The following GSE1 variants were observed in gnomAD, a reference collection of about 807,000 sequenced individuals.
GSE1 encodes the protein genetic suppressor element 1.
A neutral mutation model predicts 112.6 loss-of-function variants in GSE1; 32 were observed. The observed-to-expected ratio is 0.28, with a 90% CI of 0.21 to 0.38. The LOEUF is 0.38. Ranked by LOEUF, GSE1 falls within the 10% of genes least tolerant of loss-of-function variation. The pLI, the probability that GSE1 is intolerant of heterozygous loss-of-function variation, is 1.00. For synonymous variants in GSE1, 1,115 were observed against 735.6 expected (o/e 1.52, Z -8.35); for missense variants, 2,348 against 1,699.2 (o/e 1.38, Z -6.71).
At chr16:85,389,232 G>T (rs1567729410) in intron 2 of GSE1, among the ~76,000 whole-genome samples, 1 of 152,130 alleles carries the variant, frequency 6.6e-6, no homozygotes, top group Non-Finnish European at 1.5e-5. Flanking sequence ...GGCCAAGGCG[G>T]GTGGATCACT....
intron 1 of GSE1, among the ~76,000 whole-genome samples, chr16:85,587,604 G>A (rs2046768899): frequency 6.6e-6 from 1 of 152,132 alleles, no homozygotes; most frequent in Non-Finnish European, 1.5e-5. Flanking sequence ...GCTCAGCCCA[G>A]GCCCCCTGTT....
exon 1 of GSE1, chr16:85,170,691 G>A (rs931827476): frequency 2.1e-5 from 21 of 985,632 alleles, no homozygotes; most frequent in Middle Eastern, 5.2e-4. Context: ...TGCAGAAGCA[G>A]GAGAAGCTGG....
At chr16:85,618,011 GC>G (rs1276965706) in intron 1 of GSE1, among the ~76,000 whole-genome samples, 1 of 152,188 alleles carries the variant, frequency 6.6e-6, no homozygotes, top group Non-Finnish European at 1.5e-5. Flanking sequence ...GGTCATTCTT[GC>G]CTGGCCCAGG....
Position 85,633,975 on chromosome 16 carries a change from C to T in GSE1, c.69C>T (p.Thr23=), listed in dbSNP as rs201763364. 517 of 1,613,212 alleles carry T rather than the reference C, an allele frequency of 3.2e-4. 3 individuals are homozygous for T. The highest frequency in any genetic ancestry group is 7.5e-4 in the South Asian group (68 of 90,988). ...LGMLSTATRT[T]ATVNPLTPSP... ...TGCTTTCCACCGCGACCAGGACCAC[C>T]GCCACCGTCAACCCCCTCACCCCCT... is the stretch of plus-strand genomic sequence containing the variant. The change falls in exon 2 of 16, where the codon ACC becomes ACT. Residue 23 remains threonine (T), a synonymous_variant. Coordinates refer to ENST00000253458, the MANE Select transcript of GSE1 (RefSeq NM_014615.5).
chr16:85,410,228 AG>A (rs1288251791), intron 2 of GSE1, among the ~76,000 whole-genome samples: 1 of 8,580 alleles, frequency 1.2e-4, no homozygotes, highest in Non-Finnish European at 2.3e-4. Context: ...TGTTACACTC[AG>A]GGCCCCCTGG....
chr16:85,449,420 C>T (rs558964077), intron 2 of GSE1, among the ~76,000 whole-genome samples: 21 of 152,372 alleles, frequency 1.4e-4, no homozygotes, highest in Non-Finnish European at 2.4e-4. Flanking sequence ...GCATGGGGGG[C>T]GGGGAAGATC....
chr16:85,478,881 TTCTTTCTTTCTTTCTTTC>T (rs2050558735), intron 2 of GSE1, among the ~76,000 whole-genome samples: 1 of 61,614 alleles, frequency 1.6e-5, no homozygotes, highest in African/African-American at 1.2e-4. Flanking sequence ...CTTTCTTTCT[TTCTTTCTTTCTTTCTTTC>T]TTTCTTTCTT....
intron 2 of GSE1, among the ~76,000 whole-genome samples, chr16:85,504,298 G>A (rs887180985): frequency 6.6e-6 from 1 of 152,248 alleles, no homozygotes; most frequent in African/African-American, 2.4e-5. Context: ...GTGAGCAGGT[G>A]GGTTTGGACT....
At chr16:85,448,743 G>T (rs955726664) in intron 2 of GSE1, among the ~76,000 whole-genome samples, 1 of 152,168 alleles carries the variant, frequency 6.6e-6, no homozygotes, top group Admixed American at 6.5e-5. Context: ...CCACATCCCC[G>T]GCCCTGCAAC....
intron 2 of GSE1, among the ~76,000 whole-genome samples, chr16:85,497,196 G>C (rs1009862498): frequency 2.0e-4 from 30 of 152,250 alleles, no homozygotes; most frequent in African/African-American, 6.3e-4. Flanking sequence ...ACCATGCCTG[G>C]CCCTGATCTG....
intron 2 of GSE1, among the ~76,000 whole-genome samples, chr16:85,538,344 C>A (rs757506532): frequency 6.6e-6 from 1 of 152,198 alleles, no homozygotes; most frequent in Non-Finnish European, 1.5e-5. Flanking sequence ...TTCTCCCTGG[C>A]CTGAGTGCAG....
At chr16:85,203,839 G>A (rs1046680168) in intron 1 of GSE1, among the ~76,000 whole-genome samples, 1 of 152,192 alleles carries the variant, frequency 6.6e-6, no homozygotes, top group Non-Finnish European at 1.5e-5. Flanking sequence ...CTGGGCTCAG[G>A]CGATCCTCCC....
At chr16:85,640,831 G>T (rs2050382151) in intron 2 of GSE1, among the ~76,000 whole-genome samples, 2 of 152,260 alleles carry the variant, frequency 1.3e-5, no homozygotes, top group African/African-American at 4.8e-5. Flanking sequence ...GGCGTCTGGA[G>T]CCCGTCTGTC....
intron 2 of GSE1, among the ~76,000 whole-genome samples, chr16:85,641,259 C>G (rs955190946): frequency 6.6e-6 from 1 of 152,260 alleles, no homozygotes; most frequent in East Asian, 1.9e-4. Context: ...CCGGCTCCAT[C>G]CGGCTCCCAG....
intron 1 of GSE1, among the ~76,000 whole-genome samples, chr16:85,630,137 C>G (rs1402931432): frequency 2.0e-5 from 3 of 152,204 alleles, no homozygotes; most frequent in Admixed American, 6.5e-5. Flanking sequence ...TCTCCATGAC[C>G]TGCTTGAGCA....
At chr16:85,438,783 A>G (rs2151775735) in intron 2 of GSE1, among the ~76,000 whole-genome samples, 1 of 152,312 alleles carries the variant, frequency 6.6e-6, no homozygotes, top group East Asian at 1.9e-4. Context: ...GTGAAGAAGC[A>G]AAGGGTGCTG....
At chr16:85,295,560 C>T (rs917538676) in intron 1 of GSE1, among the ~76,000 whole-genome samples, 3 of 152,034 alleles carry the variant, frequency 2.0e-5, no homozygotes, top group Non-Finnish European at 2.9e-5. Flanking sequence ...ATGACTTAGC[C>T]GTGGAAGTTA....
intron 1 of GSE1, among the ~76,000 whole-genome samples, chr16:85,604,836 G>T (rs2047626841): frequency 1.4e-3 from 4 of 2,898 alleles, no homozygotes; most frequent in Non-Finnish European, 2.1e-3. Flanking sequence ...TTTTTTTTTT[G>T]AGATGGAGTC....
chr16:85,460,112 T>A (rs60777570), intron 2 of GSE1, among the ~76,000 whole-genome samples: 10,313 of 152,162 alleles, frequency 0.068, 1,180 homozygotes, highest in African/African-American at 0.24. Flanking sequence ...GGGGATGCAA[T>A]CTCCTGGCCC....
Sources: allele counts gnomAD v4.1 joint callset (sites outside exome capture counted in the v4.1 genomes callset), GRCh38; gene constraint gnomAD v4.1.1; transcripts MANE v1.5; gene names NCBI Gene and HGNC (gene_info 2026-07-23, HGNC 2026-07-21).